SLC25A21: variants seen among roughly 807,000 people sequenced by gnomAD.
SLC25A21 encodes mitochondrial 2-oxodicarboxylate carrier.
In SLC25A21, 47 loss-of-function variants were observed where a neutral mutation model predicts 43.8. That is an observed-to-expected ratio of 1.07 (90% confidence interval 0.85 to 1.37). SLC25A21 has a LOEUF of 1.37. Ranked by LOEUF, SLC25A21 falls within the 40% of genes most tolerant of loss-of-function variation. The probability of loss-of-function intolerance (pLI) is 0.00; values close to 1 mark genes in which losing one functional copy is unlikely to be tolerated. For synonymous variants in SLC25A21, 131 were observed against 121.3 expected, an observed-to-expected ratio of 1.08 and a Z score of -0.52; for missense variants, 352 against 350.2, an observed-to-expected ratio of 1.00 and a Z score of -0.04.
intron 1 of SLC25A21, among the ~76,000 whole-genome samples, chr14:37,008,500 C>T (rs950228194): frequency 6.6e-6 from 1 of 152,096 alleles, no homozygotes; most frequent in Non-Finnish European, 1.5e-5. Context: ...CAACTGGAAC[C>T]ACATCAATAC....
chr14:36,789,815 A>ATAATATATTTTATATATTATATT (rs1887394442), intron 3 of SLC25A21, among the ~76,000 whole-genome samples: 2 of 83,606 alleles, frequency 2.4e-5, no homozygotes, highest in Non-Finnish European at 4.5e-5. Flanking sequence ...TATATTATAT[A>ATAATATATTTTATATATTATATT]TAATATATTT....
intron 1 of SLC25A21, among the ~76,000 whole-genome samples, chr14:37,081,187 C>T (rs976012561): frequency 1.3e-5 from 2 of 152,108 alleles, no homozygotes; most frequent in Non-Finnish European, 2.9e-5. Flanking sequence ...TGAGAAAAGC[C>T]GTAGGTTAAT....
intron 1 of SLC25A21, among the ~76,000 whole-genome samples, chr14:36,949,384 T>C (rs928901956): frequency 1.3e-5 from 2 of 152,224 alleles, no homozygotes; most frequent in Admixed American, 6.5e-5. Context: ...GATTTTTAAT[T>C]CACATTATTA....
chr14:36,689,012 C>T (rs1316312706), intron 7 of SLC25A21, among the ~76,000 whole-genome samples: 1 of 152,198 alleles, frequency 6.6e-6, no homozygotes, highest in Non-Finnish European at 1.5e-5. Flanking sequence ...CGAAGCAATG[C>T]TTCTGTATTA....
chr14:36,989,508 T>C (rs1960217834), intron 1 of SLC25A21, among the ~76,000 whole-genome samples: 1 of 152,056 alleles, frequency 6.6e-6, no homozygotes, highest in Non-Finnish European at 1.5e-5. Context: ...AAATCATTTT[T>C]TTTTTTTGCT....
intron 3 of SLC25A21, among the ~76,000 whole-genome samples, chr14:36,789,133 C>A (rs1295986970): frequency 6.6e-6 from 1 of 152,126 alleles, no homozygotes; most frequent in African/African-American, 2.4e-5. Context: ...AAAATACATA[C>A]AAATATTAAC....
chr14:36,808,395 C>T (rs768379603), intron 3 of SLC25A21, among the ~76,000 whole-genome samples: 10 of 152,138 alleles, frequency 6.6e-5, no homozygotes, highest in Non-Finnish European at 1.2e-4. Flanking sequence ...CTCAGAATCA[C>T]CAAGATTTGC....
At chr14:37,124,097 G>A (rs1213000279) in intron 1 of SLC25A21, among the ~76,000 whole-genome samples, 3 of 150,760 alleles carry the variant, frequency 2.0e-5, no homozygotes, top group Non-Finnish European at 2.9e-5. Context: ...TACAAGCTCC[G>A]CCTCCTGGGT....
chr14:36,895,061 A>T (rs1891197762), intron 1 of SLC25A21, among the ~76,000 whole-genome samples: 1 of 152,168 alleles, frequency 6.6e-6, no homozygotes, highest in Admixed American at 6.5e-5. Flanking sequence ...TCATAAAATG[A>T]GTTAGGGAGG....
At chr14:36,734,597 C>A in intron 3 of SLC25A21, 24 bp from the exon 4 acceptor site, 2 of 1,569,468 alleles carry the variant, frequency 1.3e-6, no homozygotes, top group East Asian at 2.3e-5. Context: ...AAAAGATTTC[C>A]TATGAGTAAG....
intron 1 of SLC25A21, among the ~76,000 whole-genome samples, chr14:37,026,365 G>T (rs1487293652): frequency 6.6e-6 from 1 of 152,142 alleles, no homozygotes; most frequent in African/African-American, 2.4e-5. Flanking sequence ...TCTTGGCCAA[G>T]CTGGTAATTT....
chr14:36,836,630 G>A (rs533544733), intron 2 of SLC25A21, among the ~76,000 whole-genome samples: 2 of 152,264 alleles, frequency 1.3e-5, no homozygotes, highest in Non-Finnish European at 2.9e-5. Context: ...ATGAGCCCAC[G>A]GTTGAGAAGG....
chr14:36,862,659 A>G (rs983018315), intron 2 of SLC25A21, among the ~76,000 whole-genome samples: 5 of 152,110 alleles, frequency 3.3e-5, no homozygotes, highest in African/African-American at 7.2e-5. Flanking sequence ...ACCTAATGTA[A>G]ATGACGAGTT....
chr14:36,859,425 G>A (rs1036548605), intron 2 of SLC25A21, among the ~76,000 whole-genome samples: 1 of 152,188 alleles, frequency 6.6e-6, no homozygotes, highest in Non-Finnish European at 1.5e-5. Flanking sequence ...CTGGGCTCAT[G>A]AAGCCCACTT....
chr14:36,938,008 A>G lies in SLC25A21; in HGVS notation c.71-63004T>C, dbSNP rs565535841. ...CTGGAGAGAAGAACAACTTTTTTTA[A>G]AAAAAAATTTTTTTTAATGGCAACT... On this transcript the variant is annotated intron_variant, in intron 1 of 9. Coordinates refer to ENST00000331299, the MANE Select transcript of SLC25A21 (RefSeq NM_030631.4). Among the ~76,000 whole-genome samples, 45 of 152,218 alleles carry G rather than the reference A, an allele frequency of 3.0e-4. No individual in the cohort carries two copies. The South Asian group carries it at 8.3e-3, about 28-fold the overall frequency.
At chr14:36,880,779 G>C (rs550460939) in intron 1 of SLC25A21, among the ~76,000 whole-genome samples, 33 of 152,284 alleles carry the variant, frequency 2.2e-4, no homozygotes, top group African/African-American at 7.9e-4. Context: ...GTAAGGACCT[G>C]AATACAGAAG....
intron 1 of SLC25A21, among the ~76,000 whole-genome samples, chr14:37,164,146 C>A (rs1250847242): frequency 6.6e-6 from 1 of 152,112 alleles, no homozygotes; most frequent in East Asian, 1.9e-4. Flanking sequence ...TTTAAAACAT[C>A]TTTCAGGAAG....
chr14:36,746,870 T>G (rs909925359), intron 3 of SLC25A21, among the ~76,000 whole-genome samples: 3 of 152,210 alleles, frequency 2.0e-5, no homozygotes, highest in Non-Finnish European at 4.4e-5. Flanking sequence ...TCCAAGGACC[T>G]TTCTCTGACA....
At chr14:36,812,191 C>A (rs1249076159) in intron 3 of SLC25A21, among the ~76,000 whole-genome samples, 4 of 152,026 alleles carry the variant, frequency 2.6e-5, no homozygotes, top group Non-Finnish European at 4.4e-5. Flanking sequence ...AAGGAATACA[C>A]TTAGGACAGT....
Sources: allele counts gnomAD v4.1 joint callset (sites outside exome capture counted in the v4.1 genomes callset), GRCh38; gene constraint gnomAD v4.1.1; transcripts MANE v1.5; gene names NCBI Gene and HGNC (gene_info 2026-07-23, HGNC 2026-07-21).